CUBN: variants seen among roughly 807,000 people sequenced by gnomAD.
The protein encoded by CUBN is cubilin, also known as 460 kDa receptor.
A neutral mutation model predicts 405.3 loss-of-function variants in CUBN; 282 were observed. The observed-to-expected ratio is 0.70, with a 90% CI of 0.63 to 0.77. The LOEUF (loss-of-function observed/expected upper bound fraction) is 0.77. Among genes scored for constraint, CUBN ranks in the 30% least tolerant of loss-of-function variants. The pLI, the probability that CUBN is intolerant of heterozygous loss-of-function variation, is 0.00. For synonymous variants in CUBN, 1,684 were observed against 1,617.0 expected, an observed-to-expected ratio of 1.04 and a Z score of -0.99; for missense variants, 4,514 against 4,475.2, an observed-to-expected ratio of 1.01 and a Z score of -0.25.
At chr10:17,112,897 T>C (rs759891494) in intron 8 of CUBN, among the ~76,000 whole-genome samples, 8 of 152,244 alleles carry the variant, frequency 5.3e-5, no homozygotes, top group Non-Finnish European at 1.2e-4. Flanking sequence ...TACTTATTTT[T>C]ACCATGTCTT....
At chr10:17,053,739 G>A (rs1053999254) in intron 22 of CUBN, among the ~76,000 whole-genome samples, 19 of 152,084 alleles carry the variant, frequency 1.2e-4, no homozygotes, top group Non-Finnish European at 2.6e-4. Flanking sequence ...TTGACAGAGA[G>A]CACTACACTT....
intron 10 of CUBN, 132 bp downstream of exon 10, chr10:17,109,508 G>T: frequency 1.4e-6 from 1 of 737,970 alleles, no homozygotes; most frequent in Admixed American, 2.0e-5. Context: ...TAGTTTTATG[G>T]CATGGATTAA....
intron 22 of CUBN, among the ~76,000 whole-genome samples, chr10:17,054,967 A>T (rs1835358341): frequency 1.3e-5 from 2 of 152,040 alleles, no homozygotes; most frequent in Non-Finnish European, 2.9e-5. Flanking sequence ...TCCTATACCA[A>T]ACCAGACAAA....
At chr10:17,105,151 T>C (rs1165246002) in intron 11 of CUBN, among the ~76,000 whole-genome samples, 5 of 152,206 alleles carry the variant, frequency 3.3e-5, no homozygotes, top group Non-Finnish European at 5.9e-5. Context: ...TATATGTAAG[T>C]ATTTTCTAGT....
chr10:16,941,400 T>G (rs1313296740), intron 36 of CUBN, among the ~76,000 whole-genome samples: 1 of 152,124 alleles, frequency 6.6e-6, no homozygotes, highest in Non-Finnish European at 1.5e-5. Flanking sequence ...GCTAGAAACA[T>G]AAAGATCCTA....
Position 16,851,349 on chromosome 10 carries a change from TA to T in CUBN, c.9548del (p.Leu3183Ter). 1 of 1,614,154 alleles carries T rather than the reference TA, an allele frequency of 6.2e-7. No individual in the cohort carries two copies. Among genetic ancestry groups the T allele is most frequent in the Non-Finnish European group, 8.5e-7 (1 of 1,180,006 alleles). On this transcript the variant is annotated frameshift_variant, in exon 60 of 67. Transcript: ENST00000377833. LOFTEE classifies it high-confidence loss of function. ...SDSNGMYDKN[L>X]NCVWIIIAPV... is the part of the protein sequence containing the mutation. ...GTGCAATTATGATCCATACACAGTT[TA>T]AATTCTTGTCATACATTCCATTCGA...
At chr10:16,832,678 T>G (rs932948682) in intron 64 of CUBN, among the ~76,000 whole-genome samples, 2 of 152,182 alleles carry the variant, frequency 1.3e-5, no homozygotes, top group African/African-American at 4.8e-5. Context: ...CTTATTCACT[T>G]TCCTCTCCTA....
chr10:16,989,112 C>T (rs1395554453), intron 29 of CUBN, among the ~76,000 whole-genome samples: 1 of 152,080 alleles, frequency 6.6e-6, no homozygotes, highest in African/African-American at 2.4e-5. Context: ...AAACAAACAT[C>T]TAGCCTCATG....
chr10:16,889,584 A>G (rs1292504226), intron 55 of CUBN, among the ~76,000 whole-genome samples: 1 of 152,174 alleles, frequency 6.6e-6, no homozygotes, highest in Non-Finnish European at 1.5e-5. Context: ...TTGACTTAGC[A>G]TGAGAACCCT....
At position 17,018,796 on chromosome 10, in the gene CUBN, C is replaced by T. The variant is rs190252553; in HGVS notation, c.4168+1037G>A. On this transcript the variant is annotated intron_variant, in intron 28 of 66. Transcript: ENST00000377833. ...TACAGACCGCTGATTGGTACATTTA[C>T]AAACCTTTAGCTAGACACAGAGCGC... 1.6e-3 allele frequency among the ~76,000 whole-genome samples: 247 copies of T among 152,250 alleles called. 1 individual carries two copies. Among genetic ancestry groups the T allele is most frequent in the Non-Finnish European group, 2.8e-3 (188 of 68,016 alleles).
chr10:17,129,182 C>G lies in CUBN; in HGVS notation c.191G>C (p.Arg64Thr). 1 of 1,613,670 alleles carries G rather than the reference C, an allele frequency of 6.2e-7. No individual in the cohort carries two copies. Among genetic ancestry groups the G allele is most frequent in the Non-Finnish European group, 8.5e-7 (1 of 1,179,600 alleles). The change falls in exon 2 of 67, where the codon AGA (arginine) becomes ACA (threonine). Residue 64 changes from arginine (R) to threonine (T), a missense_variant. Transcript: ENST00000377833. Reference protein sequence around the residue: ...LTGSAQNIEFRTGSLGKIKLN... With the variant: ...LTGSAQNIEFTTGSLGKIKLN... ...TTTAATTTTTCCCAGGGATCCGGTT[C>G]TAAACTCAATGTTTTGAGCAGACCC...
chr10:16,864,906 T>G (rs2131359770), intron 59 of CUBN, among the ~76,000 whole-genome samples: 1 of 138,642 alleles, frequency 7.2e-6, no homozygotes, highest in East Asian at 2.3e-4. Flanking sequence ...CACCTCGGCC[T>G]CCCAAAGTGC....
chr10:17,071,568 C>A lies in CUBN; in HGVS notation c.2483G>T (p.Arg828Leu). 3 of 1,613,662 alleles carry A rather than the reference C, an allele frequency of 1.9e-6. No homozygotes were observed. The highest frequency in any genetic ancestry group is 2.5e-6 in the Non-Finnish European group (3 of 1,179,834). The stretch of plus-strand genomic sequence containing the variant: ...ATACACGTTAGGAAAAAAAGGCGAG[C>A]GAATGACCCCTTCTCCAGTTAATTC... ...GDELTGEGVIRSPFFPNVYPG... is the reference protein window; with the variant it reads ...GDELTGEGVILSPFFPNVYPG... Residue 828 changes from arginine (R) to leucine (L), a missense_variant, in exon 19 of 67, where the codon CGC becomes CTC. Physicochemically the swap from Arg to Leu is moderately radical, Grantham distance 102 (BLOSUM62 -2). This residue lies in a region of CUBN where 1,448 missense variants were observed against 1,388.0 expected (regional missense o/e 1.04). Coordinates refer to ENST00000377833, the MANE Select transcript of CUBN (RefSeq NM_001081.4).
At chr10:16,837,862 T>C (rs1191683075) in intron 62 of CUBN, among the ~76,000 whole-genome samples, 2 of 152,200 alleles carry the variant, frequency 1.3e-5, no homozygotes, top group Admixed American at 6.5e-5. Context: ...CACTGGGTCT[T>C]ACTCGAGGCT....
rs1379143780 is a variant in CUBN, at chr10:16,925,227, G to C, written c.6646+14C>G. On this transcript the variant is annotated intron_variant, in intron 43 of 66. Transcript: ENST00000377833. ...GCAGGAAAAGCAGATATAATTCTCA[G>C]TGAAAATACTTACCTAAACTCTTTG... The C allele has an allele frequency of 6.2e-7, 1 of 1,602,790 alleles. No homozygotes were observed.
chr10:16,864,733 C>A (rs1338135057), intron 59 of CUBN, among the ~76,000 whole-genome samples: 4 of 149,706 alleles, frequency 2.7e-5, no homozygotes, highest in African/African-American at 9.8e-5. Context: ...TCACCACAAC[C>A]TTCACCTCCC....
chr10:17,055,727 G>A (rs1263760563), intron 22 of CUBN, among the ~76,000 whole-genome samples: 1 of 152,002 alleles, frequency 6.6e-6, no homozygotes, highest in East Asian at 1.9e-4. Flanking sequence ...ATAGAAACAT[G>A]CACAAACTCT....
At chr10:17,074,997 C>T (rs1450221357) in intron 17 of CUBN, among the ~76,000 whole-genome samples, 1 of 149,150 alleles carries the variant, frequency 6.7e-6, no homozygotes, top group Non-Finnish European at 1.5e-5. Context: ...AACATTTAAG[C>T]GGAGACTTGA....
rs1053519137 is a variant in CUBN at position 16,925,130 on chromosome 10, T to C, written c.6646+111A>G. 1.7e-5 allele frequency: 13 copies of C among 777,598 alleles called. No homozygotes were observed. The Admixed American group carries it at 2.6e-4, about 15-fold the overall frequency. 48.2% of individuals were successfully genotyped at this position (777,598 alleles called of 1,614,324 possible). A position where few individuals can be genotyped will look rare whatever the true frequency, so the allele number is the denominator to read the frequency against. ...ATCAAATATAATAAGTACTTGAGAG[T>C]AGGCATTCTTATTAATTCTATTACT... is the stretch of plus-strand genomic sequence containing the variant. On this transcript the variant is annotated intron_variant, in intron 43 of 66. Coordinates refer to ENST00000377833, the MANE Select transcript of CUBN (RefSeq NM_001081.4).
Sources: allele counts gnomAD v4.1 joint callset (sites outside exome capture counted in the v4.1 genomes callset), GRCh38; gene constraint gnomAD v4.1.1; regional missense constraint gnomAD v4.1.1; transcripts MANE v1.5; gene names NCBI Gene and HGNC (gene_info 2026-07-23, HGNC 2026-07-21).